The following LPCAT2 variants were observed in gnomAD, a reference collection of about 807,000 sequenced individuals.
LPCAT2 encodes the protein lysophosphatidylcholine acyltransferase 2, also known as 1-AGP acyltransferase 11.
A neutral mutation model predicts 64.7 loss-of-function variants in LPCAT2; 58 were observed. That is an observed-to-expected ratio of 0.90 (90% CI 0.73 to 1.12). The LOEUF (loss-of-function observed/expected upper bound fraction) is 1.12. Ranked by LOEUF, LPCAT2 falls within the 50% of genes most tolerant of loss-of-function variation. The pLI, the probability that LPCAT2 is intolerant of heterozygous loss-of-function variation, is 0.00. For missense variants in LPCAT2, 579 were observed against 669.8 expected (o/e 0.86, Z 1.50); for synonymous variants, 252 against 245.3 (o/e 1.03, Z -0.26).
rs781650540 is a variant in LPCAT2 at position 55,531,959 on chromosome 16, A to G, written c.688A>G (p.Ile230Val). ...TACTTGTACTAATCGTTCCTGTTTG[A>G]TTACTTTTAAACCAGGTGAGAAAAA... is the stretch of plus-strand genomic sequence containing the variant. ...EGTCTNRSCL[I>V]TFKPGAFIPG... The change falls in exon 5 of 14, where the codon ATT becomes GTT. Residue 230 changes from isoleucine (I) to valine (V), a missense_variant. By Grantham distance (29) the Ile-to-Val change is conservative. Transcript: ENST00000262134. 9 of 1,589,506 alleles carry G rather than the reference A, an allele frequency of 5.7e-6. No homozygotes were observed. The highest frequency in any genetic ancestry group is 7.8e-6 in the Non-Finnish European group (9 of 1,158,630).
rs528817421 is a variant in LPCAT2, at chr16:55,535,515, C to T, written c.797+1038C>T. ...GATAATTGAAGATACACAAATAACG[C>T]CAAACATAAAGAACATAAATTGTAA... On this transcript the variant is annotated intron_variant, in intron 7 of 13. Coordinates refer to ENST00000262134, the MANE Select transcript of LPCAT2 (RefSeq NM_017839.5). 9.2e-5 allele frequency among the ~76,000 whole-genome samples: 14 copies of T among 152,170 alleles called. No individual in the cohort carries two copies. In the South Asian group the frequency reaches 2.5e-3, roughly 27 times the overall value.
chr16:55,561,948 C>G (rs1315685675), intron 11 of LPCAT2, among the ~76,000 whole-genome samples: 1 of 151,954 alleles, frequency 6.6e-6, no homozygotes, highest in African/African-American at 2.4e-5. Flanking sequence ...CTAGACAGAG[C>G]GATGTCCCTT....
intron 11 of LPCAT2, among the ~76,000 whole-genome samples, chr16:55,554,607 T>G (rs1009919231): frequency 6.6e-6 from 1 of 152,234 alleles, no homozygotes; most frequent in Non-Finnish European, 1.5e-5. Flanking sequence ...ACTGTTTCAC[T>G]TTCTTATTAT....
chr16:55,509,388 AG>A lies in LPCAT2; in HGVS notation c.171+42del, dbSNP rs749357907. ...TGGGTCTGAGGGGAGAGGTGGTCTG[AG>A]GGGGGCCTAGGTCAGAGGGGGGTCC... On this transcript the variant is annotated intron_variant, in intron 1 of 13. Coordinates refer to ENST00000262134, the MANE Select transcript of LPCAT2 (RefSeq NM_017839.5). 1.4e-4 allele frequency: 151 copies of A among 1,108,878 alleles called. No individual in the cohort carries two copies. The African/African-American group carries it at 3.8e-3, about 28-fold the overall frequency. 68.7% of individuals were successfully genotyped at this position (1,108,878 alleles called of 1,614,324 possible).
At chr16:55,525,863 T>C (rs1321022619) in intron 2 of LPCAT2, 1 of 309,340 alleles carries the variant, frequency 3.2e-6, no homozygotes, top group Admixed American at 4.9e-5. Flanking sequence ...ACGTAGAAAT[T>C]ACTGCCCAAA....
intron 7 of LPCAT2, among the ~76,000 whole-genome samples, chr16:55,534,940 G>C (rs1394780800): frequency 2.0e-5 from 3 of 152,128 alleles, no homozygotes; most frequent in Non-Finnish European, 2.9e-5. Context: ...CAAGATTTCA[G>C]TTCTGCTCTT....
intron 11 of LPCAT2, among the ~76,000 whole-genome samples, chr16:55,566,327 A>C (rs1309316074): frequency 2.0e-5 from 3 of 152,190 alleles, no homozygotes; most frequent in Non-Finnish European, 2.9e-5. Context: ...ATTCTATTCT[A>C]ACAATAAATA....
At chr16:55,563,387 T>A (rs903306059) in intron 11 of LPCAT2, among the ~76,000 whole-genome samples, 23 of 151,688 alleles carry the variant, frequency 1.5e-4, no homozygotes, top group Non-Finnish European at 3.4e-4. Flanking sequence ...GAGGCCAAAG[T>A]CAGATAAAAA....
chr16:55,563,038 G>C (rs1374740418), intron 11 of LPCAT2, among the ~76,000 whole-genome samples: 1 of 151,796 alleles, frequency 6.6e-6, no homozygotes, highest in Non-Finnish European at 1.5e-5. Flanking sequence ...AACCAGAAAT[G>C]AAAGAGAAGA....
Position 55,579,125 on chromosome 16 carries a change from A to G in LPCAT2, c.1331A>G (p.Glu444Gly). 4 of 1,613,048 alleles carry G rather than the reference A, an allele frequency of 2.5e-6. No individual in the cohort carries two copies. Among genetic ancestry groups the G allele is most frequent in the Non-Finnish European group, 3.4e-6 (4 of 1,179,412 alleles). The change falls in exon 13 of 14, where the codon GAG becomes GGG. Residue 444 changes from glutamate to glycine, a missense_variant. By Grantham distance (98) the Glu-to-Gly change is moderately conservative. Coordinates refer to ENST00000262134, the MANE Select transcript of LPCAT2 (RefSeq NM_017839.5). ...TTTCTTCAGCTGTTTGACGTTGATGAGGATGGCTACATAACGGAGGAAGAG... is the reference window on the plus strand; with the variant it reads ...TTTCTTCAGCTGTTTGACGTTGATGGGGATGGCTACATAACGGAGGAAGAG... ...QVAFKLFDVD[E>G]DGYITEEEFS...
intron 11 of LPCAT2, among the ~76,000 whole-genome samples, chr16:55,567,935 G>C (rs180869106): frequency 6.6e-6 from 1 of 152,126 alleles, no homozygotes; most frequent in South Asian, 2.1e-4. Context: ...TTAAAAAGTT[G>C]AGGAGAGAGG....
chr16:55,559,564 T>C (rs16955422), intron 11 of LPCAT2, among the ~76,000 whole-genome samples: 13,347 of 152,172 alleles, frequency 0.088, 830 homozygotes, highest in African/African-American at 0.17. Flanking sequence ...TTTCTGCTCA[T>C]GCTGAGAGTT....
At chr16:55,509,547 G>A (rs1962894720) in intron 1 of LPCAT2, among the ~76,000 whole-genome samples, 195 bp downstream of exon 1, 2 of 151,510 alleles carry the variant, frequency 1.3e-5, no homozygotes, top group South Asian at 4.2e-4. Flanking sequence ...GAGGAGGGAG[G>A]TGGCCCGAGG....
At chr16:55,523,204 C>T (rs1238427565) in intron 1 of LPCAT2, among the ~76,000 whole-genome samples, 2 of 151,528 alleles carry the variant, frequency 1.3e-5, no homozygotes, top group Non-Finnish European at 3.0e-5. Context: ...AAAATGTGTT[C>T]AACATTATTG....
chr16:55,556,742 C>T (rs1963581052), intron 11 of LPCAT2, among the ~76,000 whole-genome samples: 1 of 151,790 alleles, frequency 6.6e-6, no homozygotes, highest in Admixed American at 6.6e-5. Context: ...AGCGAGACTC[C>T]GTCTCAAAAA....
chr16:55,546,896 C>T lies in LPCAT2; in HGVS notation c.935+1079C>T, dbSNP rs561135878. On this transcript the variant is annotated intron_variant, in intron 9 of 13. Transcript: ENST00000262134. Reference sequence around the variant, plus strand: ...GGGCGCGGTGACTCACACCTGTAATCCCAGCACTTTGGGAGGCCGAGGTGG... The same window carrying T: ...GGGCGCGGTGACTCACACCTGTAATTCCAGCACTTTGGGAGGCCGAGGTGG... Among the ~76,000 whole-genome samples, 3 of 152,212 alleles carry T rather than the reference C, an allele frequency of 2.0e-5. No homozygotes were observed. In the South Asian group the frequency reaches 6.2e-4, roughly 32 times the overall value.
At chr16:55,566,524 C>A in intron 11 of LPCAT2, 1 of 502,988 alleles carries the variant, frequency 2.0e-6, no homozygotes, top group Non-Finnish European at 3.5e-6. Flanking sequence ...TTATAAGTAT[C>A]TGGAAGAGTG....
Position 55,532,851 on chromosome 16 carries a change from A to G in LPCAT2, c.731A>G (p.Gln244Arg). The G allele has an allele frequency of 6.2e-7, 1 of 1,612,286 alleles. No individual in the cohort carries two copies. Among genetic ancestry groups the G allele is most frequent in the Non-Finnish European group, 8.5e-7 (1 of 1,178,796 alleles). ...PGAFIPGVPV[Q>R]PVLLRYPNKL... Reference sequence around the variant, plus strand: ...GCCTTCATTCCAGGAGTTCCAGTGCAGCCAGTCCTCCTCAGATACCCAAAC... The same window carrying G: ...GCCTTCATTCCAGGAGTTCCAGTGCGGCCAGTCCTCCTCAGATACCCAAAC... The change falls in exon 6 of 14, where the codon CAG (glutamine) becomes CGG (arginine). Residue 244 changes from glutamine to arginine, a missense_variant. Coordinates refer to ENST00000262134, the MANE Select transcript of LPCAT2 (RefSeq NM_017839.5).
intron 1 of LPCAT2, among the ~76,000 whole-genome samples, chr16:55,518,544 A>C (rs1475514910): frequency 6.6e-6 from 1 of 152,234 alleles, no homozygotes; most frequent in Non-Finnish European, 1.5e-5. Context: ...GTGAAGCTAC[A>C]GTAATCAAGA....
Sources: allele counts gnomAD v4.1 joint callset (sites outside exome capture counted in the v4.1 genomes callset), GRCh38; gene constraint gnomAD v4.1.1; transcripts MANE v1.5; gene names NCBI Gene and HGNC (gene_info 2026-07-23, HGNC 2026-07-21).